NELL1: variants seen among roughly 807,000 people sequenced by gnomAD.
NELL1 encodes neural EGFL like 1, also known as protein kinase C-binding protein NELL1.
A neutral mutation model predicts 107.4 loss-of-function variants in NELL1; 76 were observed. That is an observed-to-expected ratio of 0.71 (90% CI 0.59 to 0.86). NELL1 has a LOEUF of 0.86. NELL1 is among the 40% of genes least tolerant of loss of function. NELL1 has a pLI of 0.00. For synonymous variants in NELL1, 353 were observed against 341.2 expected (o/e 1.03, Z -0.38); for missense variants, 1,024 against 1,005.5 (o/e 1.02, Z -0.25).
chr11:21,150,235 G>A (rs895538323), intron 13 of NELL1, among the ~76,000 whole-genome samples: 7 of 152,102 alleles, frequency 4.6e-5, no homozygotes, highest in African/African-American at 7.2e-5. Flanking sequence ...TCAAGATCTG[G>A]TCTTGCCTTG....
intron 11 of NELL1, among the ~76,000 whole-genome samples, chr11:20,948,944 A>G (rs1020230759): frequency 6.6e-6 from 1 of 152,006 alleles, no homozygotes; most frequent in Admixed American, 6.6e-5. Flanking sequence ...GTAACCTCAT[A>G]TTTTGCTTTT....
intron 3 of NELL1, among the ~76,000 whole-genome samples, chr11:20,811,211 A>G (rs1210033840): frequency 6.6e-6 from 1 of 152,134 alleles, no homozygotes. Flanking sequence ...GCATTTGGGT[A>G]TCCAGTTTTT....
intron 15 of NELL1, among the ~76,000 whole-genome samples, chr11:21,477,858 T>A (rs1271110431): frequency 6.8e-6 from 1 of 148,026 alleles, no homozygotes. Flanking sequence ...TATAATAAAG[T>A]TATTTATAAT....
At chr11:20,944,386 C>T (rs1850921680) in intron 10 of NELL1, among the ~76,000 whole-genome samples, 2 of 151,926 alleles carry the variant, frequency 1.3e-5, no homozygotes, top group Admixed American at 1.3e-4. Flanking sequence ...TTAATTTTGC[C>T]CAATTATTGC....
chr11:21,071,712 G>A (rs1854019884), intron 12 of NELL1, among the ~76,000 whole-genome samples: 1 of 152,174 alleles, frequency 6.6e-6, no homozygotes, highest in Admixed American at 6.5e-5. Context: ...GCTCCTGGAA[G>A]CAGCAGGTGG....
intron 3 of NELL1, among the ~76,000 whole-genome samples, chr11:20,801,157 A>G (rs1329615794): frequency 2.0e-5 from 3 of 152,192 alleles, no homozygotes; most frequent in South Asian, 2.1e-4. Flanking sequence ...ATGAATGTAA[A>G]GTTAGGAGAA....
At chr11:20,963,866 CTGTTCAGGCTCTCAG>C (rs1851338387) in intron 12 of NELL1, among the ~76,000 whole-genome samples, 2 of 152,144 alleles carry the variant, frequency 1.3e-5, no homozygotes, top group Admixed American at 6.5e-5. Flanking sequence ...CTTGAAAAGC[CTGTTCAGGCTCTCAG>C]TGGAAAAGGA....
chr11:21,225,109 G>A lies in NELL1; in HGVS notation c.1427-4223G>A, dbSNP rs759395514. On this transcript the variant is annotated intron_variant, in intron 13 of 19. Transcript: ENST00000357134. ...TGTGTCCATCTCATGTCACGATGCTGCAACCTTCTGGGTGTATGTGGTGGG... is the reference window on the plus strand; with the variant it reads ...TGTGTCCATCTCATGTCACGATGCTACAACCTTCTGGGTGTATGTGGTGGG... Among the ~76,000 whole-genome samples, 50 of 152,254 alleles carry A rather than the reference G, an allele frequency of 3.3e-4. No homozygotes were observed. In the South Asian group the frequency reaches 6.4e-3, roughly 20 times the overall value.
chr11:21,113,216 A>T (rs1055772366), intron 12 of NELL1, among the ~76,000 whole-genome samples: 1 of 152,012 alleles, frequency 6.6e-6, no homozygotes, highest in Non-Finnish European at 1.5e-5. Flanking sequence ...CTCTGATAAA[A>T]GCTATACCAT....
At chr11:20,783,944 A>C (rs919205149) in intron 3 of NELL1, 114 bp downstream of exon 3, 22 of 981,034 alleles carry the variant, frequency 2.2e-5, no homozygotes, top group Non-Finnish European at 2.8e-6. Flanking sequence ...CTGAGGCCTC[A>C]TTTCTGTTGA....
intron 12 of NELL1, among the ~76,000 whole-genome samples, chr11:21,001,549 C>T (rs894788896): frequency 7.3e-5 from 11 of 151,516 alleles, no homozygotes; most frequent in Non-Finnish European, 1.5e-4. Flanking sequence ...TCCAGATATC[C>T]CTGGTGTGTT....
chr11:21,376,699 ATTTG>A (rs1224168477), intron 15 of NELL1, among the ~76,000 whole-genome samples: 1 of 151,950 alleles, frequency 6.6e-6, no homozygotes, highest in African/African-American at 2.4e-5. Context: ...ATGTTTTTCC[ATTTG>A]TTTGTGTCAT....
At chr11:21,467,934 G>A (rs184424357) in intron 15 of NELL1, among the ~76,000 whole-genome samples, 21 of 152,070 alleles carry the variant, frequency 1.4e-4, no homozygotes, top group African/African-American at 4.8e-4. Flanking sequence ...GCAAGCTTTA[G>A]GGCTTCAGTA....
intron 4 of NELL1, among the ~76,000 whole-genome samples, chr11:20,881,266 A>G (rs956978592): frequency 6.6e-6 from 1 of 152,214 alleles, no homozygotes; most frequent in African/African-American, 2.4e-5. Flanking sequence ...TCTTTTGTTC[A>G]GTGTTGATTT....
chr11:20,971,001 A>C (rs1851489467), intron 12 of NELL1, among the ~76,000 whole-genome samples: 1 of 152,212 alleles, frequency 6.6e-6, no homozygotes, highest in Non-Finnish European at 1.5e-5. Context: ...TGAGGTCATA[A>C]GAATGAACTT....
rs1272317467 is a variant in NELL1 at position 20,722,018 on chromosome 11, TC to T, written c.184+43959del. 6.8e-3 allele frequency among the ~76,000 whole-genome samples: 152 copies of T among 22,276 alleles called. 1 individual carries two copies. The highest frequency in any genetic ancestry group is 0.03 in the Non-Finnish European group (116 of 3,872). The allele number at this position is 22,276 out of a possible 152,430, so 14.6% of individuals were successfully genotyped here. ...ATGTTACTTGACCTTTCTGAGTCTC[TC>T]TTTTTTTTTTTTTTTTTTTGAGACA... On this transcript the variant is annotated intron_variant, in intron 2 of 19. Transcript: ENST00000357134.
chr11:21,495,372 T>C (rs564980799), intron 15 of NELL1, among the ~76,000 whole-genome samples: 1 of 152,168 alleles, frequency 6.6e-6, no homozygotes, highest in Non-Finnish European at 1.5e-5. Context: ...TATTCTATTT[T>C]ACAGGTACAC....
chr11:21,408,303 G>T (rs1852283767), intron 15 of NELL1, among the ~76,000 whole-genome samples: 1 of 151,912 alleles, frequency 6.6e-6, no homozygotes, highest in South Asian at 2.1e-4. Context: ...TACCTTGCCT[G>T]GGACTCAGCA....
intron 14 of NELL1, among the ~76,000 whole-genome samples, chr11:21,269,758 G>A (rs368554483): frequency 6.6e-5 from 10 of 152,164 alleles, no homozygotes; most frequent in East Asian, 3.9e-4. Context: ...GAGCATCAGC[G>A]AAAGAATTAG....
Sources: gnomAD v4.1 joint callset for allele counts (sites outside exome capture counted in the v4.1 genomes callset) on GRCh38, gnomAD v4.1.1 for gene constraint, MANE v1.5 for transcripts, NCBI Gene and HGNC (gene_info 2026-07-23, HGNC 2026-07-21) for gene names.